MGAT5: variants seen among roughly 807,000 people sequenced by gnomAD.
MGAT5 encodes alpha-1,6-mannosylglycoprotein 6-beta-N-acetylglucosaminyltransferase A.
Under a neutral mutation model 94.3 loss-of-function variants are expected in MGAT5, and 30 were observed. That is an observed-to-expected ratio of 0.32 (90% CI 0.24 to 0.43). The LOEUF is 0.43. MGAT5 is among the 20% of genes least tolerant of loss of function. MGAT5 has a pLI of 1.00. For synonymous variants in MGAT5, 310 were observed against 322.9 expected (o/e 0.96, Z 0.43); for missense variants, 691 against 905.5 (o/e 0.76, Z 3.04).
At chr2:134,182,447 G>T (rs979721763) in intron 1 of MGAT5, among the ~76,000 whole-genome samples, 1 of 152,190 alleles carries the variant, frequency 6.6e-6, no homozygotes, top group African/African-American at 2.4e-5. Context: ...TCTGACCCAT[G>T]ATGGTCTTTG....
chr2:134,223,498 G>A (rs1038491496), intron 1 of MGAT5, among the ~76,000 whole-genome samples: 2 of 151,936 alleles, frequency 1.3e-5, no homozygotes, highest in African/African-American at 2.4e-5. Flanking sequence ...TGTTAGAACC[G>A]AAAAAGGAAC....
rs373201834 is a variant in MGAT5, at chr2:134,238,562, T to A, written c.-142-15700T>A. ...CTTTTCTGGGATCATCCCACAAATC[T>A]GTATTACATCCTGTTTAGGAAAGAT... On this transcript the variant is annotated intron_variant, in intron 1 of 16. Transcript: ENST00000409645. 3.3e-5 allele frequency among the ~76,000 whole-genome samples: 5 copies of A among 152,346 alleles called. No individual in the cohort carries two copies. In the South Asian group the frequency reaches 1.0e-3, roughly 32 times the overall value.
upstream of MGAT5, among the ~76,000 whole-genome samples, chr2:134,253,776 C>T (rs186235895): frequency 1.7e-3 from 256 of 152,276 alleles, no homozygotes; most frequent in Middle Eastern, 6.8e-3. Context: ...AGCAATCTAC[C>T]TCTTCTTTGT....
intron 4 of MGAT5, among the ~76,000 whole-genome samples, chr2:134,329,633 A>G (rs1257189504): frequency 2.0e-5 from 3 of 152,080 alleles, no homozygotes; most frequent in Admixed American, 1.3e-4. Flanking sequence ...AGCTGTATCT[A>G]GTCTGTGCTT....
chr2:134,123,435 T>A (rs189640025), intron 1 of MGAT5, among the ~76,000 whole-genome samples: 1 of 152,318 alleles, frequency 6.6e-6, no homozygotes, highest in Admixed American at 6.5e-5. Context: ...AGATCTGGGT[T>A]GGAAAGTTTA....
intron 11 of MGAT5, among the ~76,000 whole-genome samples, chr2:134,403,448 A>G (rs1683168012): frequency 1.3e-5 from 2 of 152,216 alleles, no homozygotes; most frequent in South Asian, 4.1e-4. Flanking sequence ...AGACTTTCTA[A>G]TAGAGCAGCA....
intron 10 of MGAT5, among the ~76,000 whole-genome samples, chr2:134,378,110 T>C (rs1307068232): frequency 1.3e-5 from 2 of 152,230 alleles, no homozygotes; most frequent in East Asian, 3.8e-4. Context: ...AAAACGGATC[T>C]GGCCCCTGGA....
At chr2:134,246,397 A>C (rs1682263355) in intron 1 of MGAT5, among the ~76,000 whole-genome samples, 1 of 152,172 alleles carries the variant, frequency 6.6e-6, no homozygotes, top group African/African-American at 2.4e-5. Flanking sequence ...GAATGACCTC[A>C]GAGCTTCTTC....
chr2:134,142,104 C>T (rs1225783903), intron 1 of MGAT5, among the ~76,000 whole-genome samples: 10 of 152,138 alleles, frequency 6.6e-5, no homozygotes, highest in Non-Finnish European at 7.4e-5. Flanking sequence ...GGGAGGCTGA[C>T]GCTTAATTCT....
At chr2:134,248,654 T>C (rs1682415996) in intron 1 of MGAT5, among the ~76,000 whole-genome samples, 1 of 151,066 alleles carries the variant, frequency 6.6e-6, no homozygotes, top group Admixed American at 6.6e-5. Context: ...CAGAGAGGTC[T>C]GGGAACCACT....
At chr2:134,120,548 C>T (rs949406923) in intron 1 of MGAT5, among the ~76,000 whole-genome samples, 6 of 151,918 alleles carry the variant, frequency 3.9e-5, no homozygotes, top group African/African-American at 1.2e-4. Flanking sequence ...CCCCGGGCAG[C>T]CCCTCCCAGG....
intron 14 of MGAT5, among the ~76,000 whole-genome samples, chr2:134,431,424 C>T (rs1328544304): frequency 1.3e-5 from 2 of 152,280 alleles, no homozygotes; most frequent in Middle Eastern, 3.4e-3. Context: ...CAGAATGTTC[C>T]TCTGATGCCA....
intron 1 of MGAT5, among the ~76,000 whole-genome samples, chr2:134,125,235 GTT>G (rs1473823820): frequency 1.3e-5 from 2 of 152,154 alleles, no homozygotes; most frequent in Admixed American, 6.5e-5. Context: ...GGTAGATTCT[GTT>G]GTTATTCCAA....
At chr2:134,137,710 T>TA (rs1259939670) in intron 1 of MGAT5, among the ~76,000 whole-genome samples, 6 of 152,188 alleles carry the variant, frequency 3.9e-5, no homozygotes, top group Admixed American at 6.5e-5. Flanking sequence ...AAAAAAATAT[T>TA]AACGCTGAAG....
intron 1 of MGAT5, among the ~76,000 whole-genome samples, chr2:134,161,785 T>A (rs1018697963): frequency 9.2e-5 from 14 of 152,288 alleles, no homozygotes; most frequent in African/African-American, 1.9e-4. Flanking sequence ...TATTTTTTTT[T>A]AAATGAGTAA....
chr2:134,396,264 A>C (rs754116715), intron 10 of MGAT5, among the ~76,000 whole-genome samples: 1 of 152,226 alleles, frequency 6.6e-6, no homozygotes, highest in Non-Finnish European at 1.5e-5. Context: ...CAAAGACTGC[A>C]GAGACTTTAA....
At chr2:134,172,988 A>G (rs1688290700) in intron 1 of MGAT5, among the ~76,000 whole-genome samples, 1 of 152,226 alleles carries the variant, frequency 6.6e-6, no homozygotes, top group South Asian at 2.1e-4. Context: ...GACGTGAATA[A>G]AAGCATTAAC....
At position 134,264,017 on chromosome 2, in the gene MGAT5, G is replaced by GTT. The variant is rs763608726; in HGVS notation, c.242-6348_242-6347dup. Among the ~76,000 whole-genome samples the GTT allele has an allele frequency of 8.9e-3, 966 of 108,746 alleles. 13 individuals are homozygous for GTT. Among genetic ancestry groups the GTT allele is most frequent in the African/African-American group, 0.012 (298 of 25,782 alleles). The allele number at this position is 108,746 out of a possible 152,430, so 71.3% of individuals were successfully genotyped here. A position where few individuals can be genotyped will look rare whatever the true frequency, so the allele number is the denominator to read the frequency against. ...ATACTGCATTTCCTTATGCCATTAG[G>GTT]TTTTTTTTTTTTTTTTTTTTTTGAG... is the stretch of plus-strand genomic sequence containing the variant. On this transcript the variant is annotated intron_variant, in intron 1 of 15. Transcript: ENST00000281923.
At chr2:134,343,851 G>A (rs1156661065) in intron 7 of MGAT5, among the ~76,000 whole-genome samples, 3 of 152,110 alleles carry the variant, frequency 2.0e-5, no homozygotes, top group South Asian at 2.1e-4. Context: ...ATTCCACAAC[G>A]GGAGAATGGG....
Sources: allele counts gnomAD v4.1 joint callset (sites outside exome capture counted in the v4.1 genomes callset), GRCh38; gene constraint gnomAD v4.1.1; transcripts MANE v1.5; gene names NCBI Gene and HGNC (gene_info 2026-07-23, HGNC 2026-07-21).